CERS3: variants seen among roughly 807,000 people sequenced by gnomAD.
The protein encoded by CERS3 is ceramide synthase 3, also known as LAG1 homolog, ceramide synthase 3.
A neutral mutation model predicts 50.3 loss-of-function variants in CERS3; 33 were observed. The observed-to-expected ratio is 0.66, with a 90% CI of 0.50 to 0.88. CERS3 has a LOEUF of 0.88. Ranked by LOEUF, CERS3 falls within the 40% of genes least tolerant of loss-of-function variation. The pLI is 0.00. For missense variants in CERS3, 470 were observed against 460.3 expected (o/e 1.02, Z -0.19); for synonymous variants, 176 against 155.2 (o/e 1.13, Z -0.99).
chr15:100,530,179 C>G (rs2036903784), upstream of CERS3, among the ~76,000 whole-genome samples: 2 of 152,248 alleles, frequency 1.3e-5, no homozygotes, highest in African/African-American at 4.8e-5. Flanking sequence ...AGGTCTGCCT[C>G]ACCTTCTGCC....
intron 3 of CERS3, chr15:100,500,634 G>A (rs542870842): frequency 4.6e-5 from 7 of 152,318 alleles, no homozygotes; most frequent in African/African-American, 7.2e-5. Flanking sequence ...ATCCAAATAC[G>A]TGAGTAAAAA....
intron 1 of CERS3, among the ~76,000 whole-genome samples, chr15:100,534,571 C>A (rs1194670435): frequency 6.7e-6 from 1 of 150,218 alleles, no homozygotes; most frequent in African/African-American, 2.5e-5. Flanking sequence ...GGCAAACCTG[C>A]CTCCCATTCT....
At chr15:100,417,551 T>G (rs12594871) in intron 11 of CERS3, among the ~76,000 whole-genome samples, 137,408 of 151,756 alleles carry the variant, frequency 0.91, 63,256 homozygotes, top group East Asian at 1. Flanking sequence ...TAAAGCAGCC[T>G]GGAAGCTCGA....
chr15:100,408,665 G>GTT (rs2031244232), intron 11 of CERS3: 1 of 152,244 alleles, frequency 6.6e-6, no homozygotes, highest in African/African-American at 2.4e-5. Flanking sequence ...TGCGGTAAGA[G>GTT]TTTATTAGAT....
At chr15:100,418,951 C>A (rs1333135927) in intron 11 of CERS3, among the ~76,000 whole-genome samples, 1 of 138,584 alleles carries the variant, frequency 7.2e-6, no homozygotes, top group Non-Finnish European at 1.6e-5. Flanking sequence ...TGGAAAGGAA[C>A]AACCAGTACC....
At chr15:100,499,072 A>G (rs1484124201) in intron 3 of CERS3, among the ~76,000 whole-genome samples, 8 of 152,186 alleles carry the variant, frequency 5.3e-5, no homozygotes, top group African/African-American at 1.9e-4. Context: ...AGAACGATGG[A>G]CATACTGCCC....
intron 11 of CERS3, among the ~76,000 whole-genome samples, chr15:100,429,935 A>T (rs1194198531): frequency 6.6e-6 from 1 of 150,774 alleles, no homozygotes; most frequent in Non-Finnish European, 1.5e-5. Flanking sequence ...CTTTTGGTGT[A>T]TTTTTTTTTA....
chr15:100,532,080 A>AC, upstream of CERS3, among the ~76,000 whole-genome samples: 1 of 151,646 alleles, frequency 6.6e-6, no homozygotes. Context: ...AAACACAGTA[A>AC]GCCGGATGCA....
At chr15:100,425,506 G>A (rs1033787447) in intron 11 of CERS3, among the ~76,000 whole-genome samples, 2 of 152,152 alleles carry the variant, frequency 1.3e-5, no homozygotes, top group African/African-American at 2.4e-5. Flanking sequence ...AGACTTCCAT[G>A]GGGCCTGTAG....
At chr15:100,414,391 C>T (rs2031730242) in intron 11 of CERS3, among the ~76,000 whole-genome samples, 1 of 152,126 alleles carries the variant, frequency 6.6e-6, no homozygotes, top group Admixed American at 6.5e-5. Context: ...TCCCATTAAA[C>T]TACCATTGAC....
chr15:100,472,851 A>C, intron 9 of CERS3, 73 bp downstream of exon 9: 1 of 1,585,920 alleles, frequency 6.3e-7, no homozygotes, highest in Non-Finnish European at 8.7e-7. Flanking sequence ...AATTGCTCAC[A>C]ATTACTTCTG....
chr15:100,436,458 A>T (rs973939823), intron 11 of CERS3, among the ~76,000 whole-genome samples: 1 of 152,032 alleles, frequency 6.6e-6, no homozygotes, highest in Non-Finnish European at 1.5e-5. Flanking sequence ...AACATCACAC[A>T]CCGAGGCCTA....
intron 1 of CERS3, among the ~76,000 whole-genome samples, chr15:100,535,240 T>C (rs546229323): frequency 6.6e-6 from 1 of 152,370 alleles, no homozygotes; most frequent in Admixed American, 6.5e-5. Context: ...CTTTATTTTA[T>C]GCATATAGAC....
intron 11 of CERS3, among the ~76,000 whole-genome samples, chr15:100,430,109 G>A (rs972129851): frequency 2.6e-5 from 4 of 151,934 alleles, no homozygotes; most frequent in Admixed American, 1.3e-4. Context: ...TCAGGAGATC[G>A]AGACCATCCT....
intron 2 of CERS3, among the ~76,000 whole-genome samples, chr15:100,518,789 G>A (rs912688593): frequency 1.3e-5 from 2 of 152,168 alleles, no homozygotes; most frequent in African/African-American, 4.8e-5. Context: ...CTGCTCTATT[G>A]ATCTTCATTT....
chr15:100,415,538 ACC>A (rs1010051402), intron 11 of CERS3, among the ~76,000 whole-genome samples: 11 of 152,284 alleles, frequency 7.2e-5, no homozygotes, highest in African/African-American at 2.4e-4. Flanking sequence ...GAGTTGGAAC[ACC>A]CAAATGCCCA....
chr15:100,476,498 C>T (rs1208188603), intron 7 of CERS3, among the ~76,000 whole-genome samples: 2 of 152,104 alleles, frequency 1.3e-5, no homozygotes, highest in Non-Finnish European at 2.9e-5. Flanking sequence ...AAAATCTTTA[C>T]TTAGGAACAA....
intron 11 of CERS3, chr15:100,437,730 G>GC (rs1378615796): frequency 2.0e-5 from 3 of 152,112 alleles, no homozygotes; most frequent in African/African-American, 7.2e-5. Flanking sequence ...TGTTCTAAGG[G>GC]CTTTATCCTT....
rs192963341 is a variant in CERS3, at chr15:100,487,387, G to A, written c.289-2719C>T. Among the ~76,000 whole-genome samples the A allele has an allele frequency of 1.3e-3, 197 of 152,268 alleles. 1 individual carries two copies. The highest frequency in any genetic ancestry group is 0.011 in the Admixed American group (171 of 15,300). ...TATTAACTCAATTTGATCCTCACAAGAGCCCTATGAGATAAGCAATATAAT... is the reference window on the plus strand; with the variant it reads ...TATTAACTCAATTTGATCCTCACAAAAGCCCTATGAGATAAGCAATATAAT... On this transcript the variant is annotated intron_variant, in intron 4 of 11. Transcript: ENST00000679737.
Sources: allele counts gnomAD v4.1 joint callset (sites outside exome capture counted in the v4.1 genomes callset), GRCh38; gene constraint gnomAD v4.1.1; transcripts MANE v1.5; gene names NCBI Gene and HGNC (gene_info 2026-07-23, HGNC 2026-07-21).